NICOL1: variants seen among roughly 807,000 people sequenced by gnomAD.
NICOL1 encodes the protein NELL2-interacting cell ontogeny regulator 1.
At chr4:2,041,985 G>A in the NICOL1 span, 3 of 1,466,568 alleles carry the variant, frequency 2.0e-6, no homozygotes, top group Non-Finnish European at 1.8e-6. Context: ...GCGGGGTCGG[G>A]TCGGAGCGCA....
the NICOL1 span, chr4:2,042,656 G>C: frequency 1.3e-6 from 1 of 791,014 alleles, no homozygotes; most frequent in African/African-American, 1.8e-5. Flanking sequence ...TTGGCACTGG[G>C]TGGACGGGCC....
At chr4:2,041,159 A>T in the NICOL1 span, among the ~76,000 whole-genome samples, 5 of 122,104 alleles carry the variant, frequency 4.1e-5, no homozygotes, top group African/African-American at 1.7e-4. Context: ...GTGGGGGGGG[A>T]GCGGGGGCGC....
the NICOL1 span, among the ~76,000 whole-genome samples, chr4:2,037,620 G>C: frequency 6.6e-6 from 1 of 152,102 alleles, no homozygotes; most frequent in Non-Finnish European, 1.5e-5. Flanking sequence ...TAATATCTCA[G>C]TTTTCATAAA....
At chr4:2,042,382 AT>A in the NICOL1 span, 1 of 515,596 alleles carries the variant, frequency 1.9e-6, no homozygotes, top group South Asian at 2.8e-5. Flanking sequence ...CCGGTCCCCG[AT>A]GTCACCGCCG....
chr4:2,037,891 G>A, the NICOL1 span, among the ~76,000 whole-genome samples: 1 of 151,302 alleles, frequency 6.6e-6, no homozygotes, highest in Admixed American at 6.6e-5. Context: ...ATTATGTTAT[G>A]CATTCTTTTG....
chr4:2,041,435 A>T, the NICOL1 span, among the ~76,000 whole-genome samples: 10 of 151,442 alleles, frequency 6.6e-5, no homozygotes, highest in Non-Finnish European at 7.4e-5. Context: ...GTCTCCGAGG[A>T]CACCGAGAGG....
chr4:2,042,518 GCGGGGCTGGCGACAGGGGCGTGCGGGGC>G, the NICOL1 span: 2 of 422,084 alleles, frequency 4.7e-6, no homozygotes, highest in East Asian at 7.2e-5. Flanking sequence ...GGGGAGCGGG[GCGGGGCTGGCGACAGGGGCGTGCGGGGC>G]CGGGGCTCTG....
the NICOL1 span, among the ~76,000 whole-genome samples, chr4:2,041,372 G>T: frequency 3.9e-5 from 6 of 152,208 alleles, no homozygotes; most frequent in Non-Finnish European, 5.9e-5. Flanking sequence ...GACTGAAATC[G>T]GCACAGAGAG....
the NICOL1 span, among the ~76,000 whole-genome samples, chr4:2,036,838 C>T: frequency 0.014 from 2,145 of 152,048 alleles, 52 homozygotes; most frequent in African/African-American, 0.049. Flanking sequence ...AGTGTGTGGA[C>T]GAACAACAGG....
chr4:2,036,890 T>G, the NICOL1 span, among the ~76,000 whole-genome samples: 3 of 152,072 alleles, frequency 2.0e-5, no homozygotes, highest in Non-Finnish European at 4.4e-5. Context: ...ACATTCATGC[T>G]CCGGTGTCCT....
the NICOL1 span, among the ~76,000 whole-genome samples, chr4:2,040,991 G>T: frequency 7.9e-5 from 12 of 152,102 alleles, no homozygotes; most frequent in African/African-American, 2.4e-4. Flanking sequence ...GGTAGAGGTC[G>T]GCTAGGCTGG....
chr4:2,039,765 G>A, the NICOL1 span, among the ~76,000 whole-genome samples: 5 of 152,046 alleles, frequency 3.3e-5, no homozygotes, highest in African/African-American at 4.8e-5. Flanking sequence ...ACTTGAACCC[G>A]GGAGGTGGAG....
the NICOL1 span, chr4:2,042,404 T>C: frequency 1.2e-5 from 6 of 495,654 alleles, no homozygotes; most frequent in Admixed American, 3.6e-5. Flanking sequence ...CCGCCGCCGC[T>C]GCTGCTGCTG....
the NICOL1 span, among the ~76,000 whole-genome samples, chr4:2,036,735 TA>T: frequency 6.6e-6 from 1 of 151,924 alleles, no homozygotes; most frequent in Non-Finnish European, 1.5e-5. Flanking sequence ...AATAAGAATA[TA>T]TATGGAGTCG....
At chr4:2,042,764 C>G in the NICOL1 span, 1 of 1,518,526 alleles carries the variant, frequency 6.6e-7, no homozygotes, top group South Asian at 1.2e-5. Flanking sequence ...GCCACGCCTT[C>G]GAGTTCATGC....
the NICOL1 span, among the ~76,000 whole-genome samples, chr4:2,038,237 G>GTATATATATATATATATATA: frequency 1.1e-5 from 1 of 91,452 alleles, no homozygotes; most frequent in Non-Finnish European, 2.3e-5. Flanking sequence ...TGATCAGTGT[G>GTATATATATATATATATATA]TATATATATA....
chr4:2,043,814 C>T, the NICOL1 span: 8 of 1,507,968 alleles, frequency 5.3e-6, no homozygotes, highest in South Asian at 8.6e-5. Flanking sequence ...CAGGGGAATG[C>T]CAGTGGGCAG....
the NICOL1 span, chr4:2,042,142 C>G: frequency 1.4e-6 from 2 of 1,389,962 alleles, no homozygotes; most frequent in African/African-American, 1.6e-5. Context: ...TCGCTGGGCC[C>G]GGAGACCGGC....
At chr4:2,042,245 T>C in the NICOL1 span, 4 of 783,070 alleles carry the variant, frequency 5.1e-6, no homozygotes, top group Non-Finnish European at 6.8e-6. Context: ...TGGACAAGGG[T>C]CGTGGGGCCC....
Sources: gnomAD v4.1 joint callset for allele counts (sites outside exome capture counted in the v4.1 genomes callset) on GRCh38, gnomAD v4.1.1 for gene constraint, MANE v1.5 for transcripts, NCBI Gene and HGNC (gene_info 2026-07-23, HGNC 2026-07-21) for gene names.